The following TMCC1 variants were observed in gnomAD, a reference collection of about 807,000 sequenced individuals.
TMCC1 encodes the protein transmembrane and coiled-coil domains protein 1.
Under a neutral mutation model 52.4 loss-of-function variants are expected in TMCC1, and 15 were observed. The observed-to-expected ratio is 0.29, with a 90% CI of 0.19 to 0.44. The LOEUF (loss-of-function observed/expected upper bound fraction) is 0.44. TMCC1 is among the 20% of genes least tolerant of loss of function. TMCC1 has a pLI of 1.00. For synonymous variants in TMCC1, 279 were observed against 301.9 expected (o/e 0.92, Z 0.79); for missense variants, 503 against 806.0 (o/e 0.62, Z 4.55).
intron 4 of TMCC1, among the ~76,000 whole-genome samples, chr3:129,727,215 C>A (rs1167758691): frequency 2.0e-5 from 3 of 152,152 alleles, no homozygotes; most frequent in Non-Finnish European, 4.4e-5. Flanking sequence ...GTATTCCTGC[C>A]TTATAGCTTC....
chr3:129,655,253 A>G, intron 5 of TMCC1, 150 bp from the exon 6 acceptor site: 1 of 940,180 alleles, frequency 1.1e-6, no homozygotes, highest in Non-Finnish European at 1.5e-6. Flanking sequence ...GCCAGTGGGT[A>G]TAGCTCTTAG....
At chr3:129,719,977 T>C (rs1369385692) in intron 4 of TMCC1, among the ~76,000 whole-genome samples, 1 of 151,958 alleles carries the variant, frequency 6.6e-6, no homozygotes, top group Non-Finnish European at 1.5e-5. Context: ...GCCCAGGAGT[T>C]TGAGACCAAG....
At chr3:129,715,789 G>A (rs1024453672) in intron 4 of TMCC1, among the ~76,000 whole-genome samples, 1 of 152,018 alleles carries the variant, frequency 6.6e-6, no homozygotes, top group Non-Finnish European at 1.5e-5. Context: ...ACTCCTTACA[G>A]CACCCACCAT....
chr3:129,808,998 T>G (rs1260056299), intron 4 of TMCC1, among the ~76,000 whole-genome samples: 6 of 149,648 alleles, frequency 4.0e-5, no homozygotes, highest in Admixed American at 4.0e-4. Context: ...GAGCAGTGGC[T>G]CACACCTGTA....
chr3:129,884,333 T>A (rs2061595606), intron 1 of TMCC1, among the ~76,000 whole-genome samples: 1 of 151,920 alleles, frequency 6.6e-6, no homozygotes, highest in East Asian at 1.9e-4. Context: ...AAAAGCAATA[T>A]CAAGAATTTT....
chr3:129,847,707 A>T (rs2107890003), intron 2 of TMCC1: 1 of 152,324 alleles, frequency 6.6e-6, no homozygotes, highest in Non-Finnish European at 1.5e-5. Flanking sequence ...GGAATGGATG[A>T]ATCGTATGGC....
At chr3:129,655,174 A>G (rs992788238) in intron 5 of TMCC1, 71 bp from the exon 6 acceptor site, 10 of 1,548,252 alleles carry the variant, frequency 6.5e-6, no homozygotes, top group Non-Finnish European at 7.0e-6. Flanking sequence ...TTTACATCCA[A>G]CTCCCAAAAC....
At chr3:129,788,508 A>G (rs189907246) in intron 4 of TMCC1, among the ~76,000 whole-genome samples, 157 of 151,894 alleles carry the variant, frequency 1.0e-3, no homozygotes, top group African/African-American at 3.4e-3. Context: ...TGTCGCCCAG[A>G]GTGGAGTGCA....
intron 2 of TMCC1, among the ~76,000 whole-genome samples, chr3:129,851,630 T>G (rs992909537): frequency 5.3e-5 from 8 of 152,158 alleles, no homozygotes; most frequent in Non-Finnish European, 8.8e-5. Flanking sequence ...CTTTGTGCAT[T>G]GTTGATGGGA....
intron 2 of TMCC1, among the ~76,000 whole-genome samples, chr3:129,854,149 T>G (rs958175409): frequency 2.0e-5 from 3 of 152,032 alleles, no homozygotes; most frequent in Admixed American, 1.3e-4. Flanking sequence ...CCCAGCACTT[T>G]GGGAGGCTGA....
chr3:129,714,385 C>G (rs1310141266), intron 4 of TMCC1, among the ~76,000 whole-genome samples: 1 of 152,100 alleles, frequency 6.6e-6, no homozygotes, highest in African/African-American at 2.4e-5. Context: ...CTCCAGGTAT[C>G]AAACTTTTGT....
intron 4 of TMCC1, among the ~76,000 whole-genome samples, chr3:129,772,079 C>G (rs1424799105): frequency 6.6e-6 from 1 of 152,160 alleles, no homozygotes; most frequent in Non-Finnish European, 1.5e-5. Context: ...AAAACTTTGG[C>G]CAGGTGTGGC....
chr3:129,754,781 A>T (rs1025245586), intron 4 of TMCC1, among the ~76,000 whole-genome samples: 1 of 152,222 alleles, frequency 6.6e-6, no homozygotes, highest in Non-Finnish European at 1.5e-5. Flanking sequence ...AAAATCTTTT[A>T]AAAAACAGAA....
At position 129,724,248 on chromosome 3, in the gene TMCC1, T is replaced by C. The variant is rs568032618; in HGVS notation, c.577-52984A>G. Among the ~76,000 whole-genome samples, 6 of 152,292 alleles carry C rather than the reference T, an allele frequency of 3.9e-5. No homozygotes were observed. In the East Asian group the frequency reaches 1.2e-3, roughly 29 times the overall value. On this transcript the variant is annotated intron_variant, in intron 4 of 6. Transcript: ENST00000393238. ...TCTATGGTGTCACATGAGATAATCT[T>C]CAGCCCAGTTAAGCAATAAGCACCC... is the stretch of plus-strand genomic sequence containing the variant.
intron 1 of TMCC1, among the ~76,000 whole-genome samples, chr3:129,891,712 A>G (rs1192864986): frequency 6.6e-6 from 1 of 152,238 alleles, no homozygotes; most frequent in African/African-American, 2.4e-5. Flanking sequence ...CCAACAATGT[A>G]GCCCAGTACT....
intron 2 of TMCC1, among the ~76,000 whole-genome samples, chr3:129,849,604 A>G (rs2059821176): frequency 6.6e-6 from 1 of 151,984 alleles, no homozygotes; most frequent in Non-Finnish European, 1.5e-5. Context: ...CTCAACTAAA[A>G]AAATACAAAA....
intron 4 of TMCC1, among the ~76,000 whole-genome samples, chr3:129,784,225 G>C (rs1191711154): frequency 6.6e-6 from 1 of 151,974 alleles, no homozygotes; most frequent in East Asian, 1.9e-4. Context: ...ATATAGAAGT[G>C]AATTAAAACA....
At chr3:129,805,151 T>TTTTATTTA (rs145843865) in intron 4 of TMCC1, among the ~76,000 whole-genome samples, 2 of 151,910 alleles carry the variant, frequency 1.3e-5, no homozygotes, top group South Asian at 2.1e-4. Flanking sequence ...AAAGTCACCT[T>TTTTATTTA]TTTATTTATT....
chr3:129,827,541 G>T (rs767976323), intron 4 of TMCC1, among the ~76,000 whole-genome samples: 2 of 152,044 alleles, frequency 1.3e-5, no homozygotes, highest in Admixed American at 6.5e-5. Flanking sequence ...TATACAGAAA[G>T]AATACATGAA....
Sources: gnomAD v4.1 joint callset for allele counts (sites outside exome capture counted in the v4.1 genomes callset) on GRCh38, gnomAD v4.1.1 for gene constraint, MANE v1.5 for transcripts, NCBI Gene and HGNC (gene_info 2026-07-23, HGNC 2026-07-21) for gene names.